SYT16: variants seen among roughly 807,000 people sequenced by gnomAD.
The protein encoded by SYT16 is synaptotagmin 16.
Under a neutral mutation model 61.4 loss-of-function variants are expected in SYT16, and 42 were observed. The ratio of observed to expected loss-of-function variants is 0.68; its 90% CI spans 0.53 to 0.89. The LOEUF (loss-of-function observed/expected upper bound fraction) is 0.89, where lower values mean the gene tolerates loss of function less well. Among genes scored for constraint, SYT16 ranks in the 40% least tolerant of loss-of-function variants. SYT16 has a pLI of 0.00. For missense variants in SYT16, 804 were observed against 807.3 expected (o/e 1.00, Z 0.05); for synonymous variants, 314 against 302.3 (o/e 1.04, Z -0.40).
At chr14:61,986,421 T>G (rs980108673) in intron 2 of SYT16, among the ~76,000 whole-genome samples, 1 of 149,986 alleles carries the variant, frequency 6.7e-6, no homozygotes, top group African/African-American at 2.4e-5. Flanking sequence ...GAACAGGTAC[T>G]TTTTTATTTT....
At chr14:61,923,015 C>G (rs112073949) in intron 1 of SYT16, among the ~76,000 whole-genome samples, 3,449 of 149,768 alleles carry the variant, frequency 0.023, 46 homozygotes, top group Admixed American at 0.03. Context: ...CGCCATTGCA[C>G]TCCAGCCTGG....
In SYT16 at chr14:61,912,973, T is replaced by C. The variant is rs563601268; in HGVS notation, c.-324-57159T>C. On this transcript the variant is annotated intron_variant, in intron 1 of 7. Transcript: ENST00000683842. ...GATAGAAACATGAGGTACAGAGTGA[T>C]GGGTGATGAATTCTATTAGAGAATC... Among the ~76,000 whole-genome samples, 21 of 152,300 alleles carry C rather than the reference T, an allele frequency of 1.4e-4. No individual in the cohort carries two copies. The South Asian group carries it at 2.1e-3, about 15-fold the overall frequency.
intron 1 of SYT16, among the ~76,000 whole-genome samples, chr14:61,815,047 A>C (rs751960708): frequency 1.3e-5 from 2 of 152,214 alleles, no homozygotes; most frequent in African/African-American, 4.8e-5. Context: ...CAGTATTTTT[A>C]AAAAGGAGGT....
intron 2 of SYT16, among the ~76,000 whole-genome samples, chr14:61,984,451 T>C (rs2052217857): frequency 6.6e-6 from 1 of 152,186 alleles, no homozygotes; most frequent in African/African-American, 2.4e-5. Flanking sequence ...GATTTTCCTT[T>C]CCATTAGCTG....
intron 3 of SYT16, among the ~76,000 whole-genome samples, chr14:62,035,084 G>A (rs544705351): frequency 6.6e-6 from 1 of 152,140 alleles, no homozygotes; most frequent in African/African-American, 2.4e-5. Context: ...TTTTTCTGGT[G>A]CATTGGAAGG....
intron 1 of SYT16, among the ~76,000 whole-genome samples, chr14:61,884,943 A>T (rs546201356): frequency 3.3e-5 from 5 of 152,188 alleles, no homozygotes; most frequent in Non-Finnish European, 7.3e-5. Context: ...GACTCCAGGA[A>T]ATAAAGCCAA....
intron 1 of SYT16, among the ~76,000 whole-genome samples, chr14:61,918,656 G>T (rs1048591626): frequency 2.6e-5 from 4 of 151,824 alleles, no homozygotes; most frequent in African/African-American, 9.7e-5. Context: ...TAAAATACAT[G>T]AATATGTATA....
chr14:61,992,384 C>T (rs1487221208), intron 2 of SYT16, among the ~76,000 whole-genome samples: 1 of 152,096 alleles, frequency 6.6e-6, no homozygotes, highest in Non-Finnish European at 1.5e-5. Context: ...GGCGCGGCAG[C>T]ATTATTGCGG....
chr14:61,858,532 A>C (rs1295292819), intron 1 of SYT16, among the ~76,000 whole-genome samples: 1 of 152,222 alleles, frequency 6.6e-6, no homozygotes, highest in East Asian at 1.9e-4. Flanking sequence ...GAGGTAGATA[A>C]AATAAAGCTT....
intron 3 of SYT16, among the ~76,000 whole-genome samples, chr14:62,015,070 C>G (rs2053615401): frequency 6.6e-6 from 1 of 152,222 alleles, no homozygotes; most frequent in African/African-American, 2.4e-5. Flanking sequence ...CTGTTGCATT[C>G]TGCACATTCC....
chr14:62,067,056 A>G (rs1480661219), intron 3 of SYT16, among the ~76,000 whole-genome samples: 1 of 152,108 alleles, frequency 6.6e-6, no homozygotes, highest in East Asian at 1.9e-4. Context: ...ACTAGTGTAT[A>G]TAGGGGCTGG....
chr14:62,004,319 G>T (rs2053138053), intron 3 of SYT16, among the ~76,000 whole-genome samples: 1 of 152,086 alleles, frequency 6.6e-6, no homozygotes, highest in Non-Finnish European at 1.5e-5. Context: ...CAGATCTCAT[G>T]AGTACTCCCT....
chr14:61,866,037 A>T (rs1033458084), intron 1 of SYT16, among the ~76,000 whole-genome samples: 4 of 152,194 alleles, frequency 2.6e-5, no homozygotes, highest in African/African-American at 9.7e-5. Context: ...CATGTTTAAA[A>T]TGTAAGTTGT....
intron 6 of SYT16, among the ~76,000 whole-genome samples, chr14:62,083,160 G>GA (rs397742211): frequency 1.3e-5 from 2 of 151,798 alleles, no homozygotes; most frequent in African/African-American, 2.4e-5. Context: ...TAGGTGGGGG[G>GA]CGCTCTGCAG....
At chr14:61,885,379 TATG>T (rs61541645) in intron 1 of SYT16, among the ~76,000 whole-genome samples, 47,248 of 150,804 alleles carry the variant, frequency 0.31, 7,567 homozygotes, top group African/African-American at 0.36. Flanking sequence ...GCATGGCAGA[TATG>T]ATGATGATGA....
chr14:61,976,920 G>C (rs117184895), intron 2 of SYT16, among the ~76,000 whole-genome samples: 1 of 151,416 alleles, frequency 6.6e-6, no homozygotes, highest in Admixed American at 6.6e-5. Context: ...CCAAGCTCAT[G>C]CTCTGCTTTC....
At chr14:62,041,377 A>C (rs2054723288) in intron 3 of SYT16, among the ~76,000 whole-genome samples, 1 of 152,180 alleles carries the variant, frequency 6.6e-6, no homozygotes, top group Non-Finnish European at 1.5e-5. Context: ...GTTCCTGGCT[A>C]CTTTTAACTG....
At chr14:61,942,663 T>C (rs779722524) in intron 1 of SYT16, among the ~76,000 whole-genome samples, 4 of 152,220 alleles carry the variant, frequency 2.6e-5, no homozygotes, top group Non-Finnish European at 4.4e-5. Context: ...TAGTGAGTGC[T>C]TTCCTAGACT....
At position 62,075,469 on chromosome 14, in the gene SYT16, A is replaced by T. The variant is rs2056454411; in HGVS notation, c.993+78A>T. 2.3e-5 allele frequency: 7 copies of T among 308,924 alleles called. No individual in the cohort carries two copies. The East Asian group carries it at 2.5e-4, about 11-fold the overall frequency. The allele number at this position is 308,924 out of a possible 1,614,324, so 19.1% of individuals were successfully genotyped here. A position where few individuals can be genotyped will look rare whatever the true frequency, so the allele number is the denominator to read the frequency against. ...TTCCACTCTCCTTTCTCATCTCTCT[A>T]AAAAAAAAAAAAAATTCCAGAAAGG... On this transcript the variant is annotated intron_variant, in intron 5 of 7. Transcript: ENST00000683842.
Sources: gnomAD v4.1 joint callset for allele counts (sites outside exome capture counted in the v4.1 genomes callset) on GRCh38, gnomAD v4.1.1 for gene constraint, MANE v1.5 for transcripts, NCBI Gene and HGNC (gene_info 2026-07-23, HGNC 2026-07-21) for gene names.